DPYD: variants seen among roughly 807,000 people sequenced by gnomAD.
DPYD encodes dihydropyrimidine dehydrogenase.
In DPYD, 109 loss-of-function variants were observed where a neutral mutation model predicts 116.2. The observed-to-expected ratio is 0.94, with a 90% CI of 0.80 to 1.10. DPYD has a LOEUF of 1.10. Ranked by LOEUF, DPYD falls within the 50% of genes least tolerant of loss-of-function variation. DPYD has a pLI of 0.00. For synonymous variants in DPYD, 440 were observed against 432.0 expected, an observed-to-expected ratio of 1.02 and a Z score of -0.23; for missense variants, 1,302 against 1,254.5, an observed-to-expected ratio of 1.04 and a Z score of -0.57.
rs142029845 is a variant in DPYD, at chr1:97,852,387, A to T, written c.151-24191T>A. 4.1e-3 allele frequency among the ~76,000 whole-genome samples: 617 copies of T among 152,196 alleles called. 1 individual carries two copies. Among genetic ancestry groups the T allele is most frequent in the Non-Finnish European group, 7.0e-3 (473 of 67,970 alleles). ...TACTTTCATCCTCATTTTATAAATGAGGAAACTGAGGACTAGACAGTTGAA... is the reference window on the plus strand; with the variant it reads ...TACTTTCATCCTCATTTTATAAATGTGGAAACTGAGGACTAGACAGTTGAA... On this transcript the variant is annotated intron_variant, in intron 2 of 22. Coordinates refer to ENST00000370192, the MANE Select transcript of DPYD (RefSeq NM_000110.4).
At chr1:97,543,113 T>G (rs1650576990) in intron 12 of DPYD, among the ~76,000 whole-genome samples, 1 of 152,184 alleles carries the variant, frequency 6.6e-6, no homozygotes, top group Non-Finnish European at 1.5e-5. Flanking sequence ...GCAGCTCTAA[T>G]TATTATTTTA....
At chr1:97,337,780 T>C (rs1031270232) in intron 16 of DPYD, among the ~76,000 whole-genome samples, 2 of 152,028 alleles carry the variant, frequency 1.3e-5, no homozygotes, top group African/African-American at 2.4e-5. Context: ...CAGAATGGCA[T>C]GGGATTGCTT....
intron 14 of DPYD, among the ~76,000 whole-genome samples, chr1:97,412,657 G>A (rs769066802): frequency 5.3e-5 from 8 of 152,078 alleles, no homozygotes; most frequent in East Asian, 1.9e-4. Flanking sequence ...AAAAGTGTAC[G>A]ACTACAGTTT....
chr1:97,220,754 T>C (rs1660722575), intron 19 of DPYD, among the ~76,000 whole-genome samples: 1 of 152,214 alleles, frequency 6.6e-6, no homozygotes, highest in Non-Finnish European at 1.5e-5. Flanking sequence ...AAATCTTCTC[T>C]TTGCCATGGT....
intron 20 of DPYD, among the ~76,000 whole-genome samples, chr1:97,101,088 T>A (rs1650647780): frequency 1.3e-5 from 2 of 149,638 alleles, no homozygotes; most frequent in Middle Eastern, 3.4e-3. Context: ...CAATTTTTTT[T>A]AATTGAAAGC....
At chr1:97,102,391 AG>A (rs1650760269) in intron 20 of DPYD, among the ~76,000 whole-genome samples, 1 of 121,098 alleles carries the variant, frequency 8.3e-6, no homozygotes, top group Non-Finnish European at 1.7e-5. Flanking sequence ...TATATCACTC[AG>A]TATCATATAT....
chr1:97,148,258 G>GGC (rs1654780462), intron 20 of DPYD, among the ~76,000 whole-genome samples: 1 of 150,670 alleles, frequency 6.6e-6, no homozygotes, highest in African/African-American at 2.4e-5. Context: ...GTGTGTGGGG[G>GGC]GGGTGTGTGT....
Position 97,306,258 on chromosome 1 carries a change from G to C in DPYD, c.2098C>G (p.Gln700Glu). ...LVRNICRWVR[Q>E]AVQIPFFAKL... is the part of the protein sequence containing the mutation. ...GCAAAAAAAGGAATCTGAACAGCTTGCCTAACCCAGCGGCAGATGTTCCGC... is the reference window on the plus strand; with the variant it reads ...GCAAAAAAAGGAATCTGAACAGCTTCCCTAACCCAGCGGCAGATGTTCCGC... Residue 700 changes from glutamine to glutamate, a missense_variant, in exon 17 of 23, where the codon CAA (glutamine) becomes GAA (glutamate). Transcript: ENST00000370192. 2 of 1,612,466 alleles carry C rather than the reference G, an allele frequency of 1.2e-6. No homozygotes were observed. The highest frequency in any genetic ancestry group is 1.7e-6 in the Non-Finnish European group (2 of 1,178,882).
chr1:97,418,521 A>T (rs1674404722), intron 14 of DPYD, among the ~76,000 whole-genome samples: 1 of 151,988 alleles, frequency 6.6e-6, no homozygotes, highest in South Asian at 2.1e-4. Flanking sequence ...ACTGGTTTCG[A>T]ACTCCTGACC....
chr1:97,502,045 C>T (rs1193816667), intron 13 of DPYD, among the ~76,000 whole-genome samples: 1 of 151,864 alleles, frequency 6.6e-6, no homozygotes, highest in Non-Finnish European at 1.5e-5. Flanking sequence ...CTAATGAGAT[C>T]CCAACAACTG....
intron 1 of DPYD, among the ~76,000 whole-genome samples, chr1:97,884,194 C>A (rs1169088351): frequency 1.3e-5 from 2 of 151,672 alleles, no homozygotes; most frequent in Non-Finnish European, 2.9e-5. Flanking sequence ...TACTAATTAG[C>A]CAGAAGCAAT....
chr1:97,103,913 T>C (rs948985991), intron 20 of DPYD, among the ~76,000 whole-genome samples: 1 of 152,130 alleles, frequency 6.6e-6, no homozygotes, highest in African/African-American at 2.4e-5. Context: ...GCTCTGTGTT[T>C]CCATGTTTGC....
intron 3 of DPYD, among the ~76,000 whole-genome samples, chr1:97,791,513 A>C (rs1667318622): frequency 6.6e-6 from 1 of 152,164 alleles, no homozygotes; most frequent in African/African-American, 2.4e-5. Context: ...CCATGTGTAA[A>C]TTTTTTGAAG....
At chr1:97,731,878 T>C (rs1442791650) in intron 4 of DPYD, among the ~76,000 whole-genome samples, 2 of 152,012 alleles carry the variant, frequency 1.3e-5, no homozygotes, top group Non-Finnish European at 2.9e-5. Context: ...TTAGTTTTTA[T>C]ATCATTAGTG....
At chr1:97,178,259 G>C (rs2101792750) in intron 20 of DPYD, among the ~76,000 whole-genome samples, 1 of 152,288 alleles carries the variant, frequency 6.6e-6, no homozygotes, top group South Asian at 2.1e-4. Context: ...ATGGGAAGGA[G>C]TGCAGAAAAG....
intron 18 of DPYD, among the ~76,000 whole-genome samples, chr1:97,240,353 A>G (rs950491838): frequency 3.3e-5 from 5 of 152,132 alleles, no homozygotes; most frequent in African/African-American, 1.2e-4. Flanking sequence ...ATCCTTGAAG[A>G]AAAAAGGAAT....
chr1:97,376,637 T>C (rs765292113), intron 15 of DPYD, among the ~76,000 whole-genome samples: 5 of 152,168 alleles, frequency 3.3e-5, no homozygotes, highest in South Asian at 2.1e-4. Context: ...AAAGCCTTAA[T>C]TGCTGAATTA....
At chr1:97,582,539 T>C (rs1653763681) in intron 10 of DPYD, among the ~76,000 whole-genome samples, 1 of 152,156 alleles carries the variant, frequency 6.6e-6, no homozygotes, top group Non-Finnish European at 1.5e-5. Flanking sequence ...ATTTTTGACT[T>C]ATTTTATTTT....
intron 18 of DPYD, among the ~76,000 whole-genome samples, chr1:97,246,061 A>G (rs1422778895): frequency 6.6e-6 from 1 of 152,100 alleles, no homozygotes; most frequent in East Asian, 1.9e-4. Flanking sequence ...GGACAAGGAC[A>G]TCTCTACCTG....
Sources: allele counts gnomAD v4.1 joint callset (sites outside exome capture counted in the v4.1 genomes callset), GRCh38; gene constraint gnomAD v4.1.1; transcripts MANE v1.5; gene names NCBI Gene and HGNC (gene_info 2026-07-23, HGNC 2026-07-21).